The following FILIP1L variants were observed in gnomAD, a reference collection of about 807,000 sequenced individuals.
The protein encoded by FILIP1L is filamin A interacting protein 1 like.
A neutral mutation model predicts 96.6 loss-of-function variants in FILIP1L; 55 were observed. The ratio of observed to expected loss-of-function variants is 0.57; its 90% CI spans 0.46 to 0.71. FILIP1L has a LOEUF of 0.71. FILIP1L is among the 30% of genes least tolerant of loss of function. FILIP1L has a pLI of 0.00. For missense variants in FILIP1L, 1,304 were observed against 1,321.2 expected (o/e 0.99, Z 0.20); for synonymous variants, 467 against 473.9 (o/e 0.99, Z 0.19).
intron 4 of FILIP1L, among the ~76,000 whole-genome samples, chr3:99,904,477 A>G (rs974958425): frequency 1.3e-5 from 2 of 152,214 alleles, no homozygotes; most frequent in Non-Finnish European, 2.9e-5. Context: ...TATATTTACT[A>G]TGCTTCTTTA....
At chr3:99,931,809 T>C (rs1228609174) in intron 1 of FILIP1L, among the ~76,000 whole-genome samples, 4 of 152,254 alleles carry the variant, frequency 2.6e-5, no homozygotes, top group African/African-American at 7.2e-5. Context: ...CATCTGATTA[T>C]ATAATCATCC....
intron 1 of FILIP1L, among the ~76,000 whole-genome samples, chr3:99,932,474 G>A (rs1421720501): frequency 6.6e-6 from 1 of 151,420 alleles, no homozygotes; most frequent in Non-Finnish European, 1.5e-5. Context: ...TCATTTTACT[G>A]TTTTTGAATA....
At chr3:100,021,664 G>A (rs1434985077) in intron 1 of FILIP1L, among the ~76,000 whole-genome samples, 4 of 152,130 alleles carry the variant, frequency 2.6e-5, no homozygotes, top group Non-Finnish European at 5.9e-5. Context: ...TAAATCAAGT[G>A]TCTTGGTTGC....
intron 1 of FILIP1L, among the ~76,000 whole-genome samples, chr3:100,054,212 T>G (rs762488146): frequency 6.6e-6 from 1 of 152,228 alleles, no homozygotes; most frequent in Non-Finnish European, 1.5e-5. Context: ...GGTCACAAAC[T>G]AACCGAGACA....
At chr3:99,899,064 C>G (rs1374452349) in intron 4 of FILIP1L, among the ~76,000 whole-genome samples, 1 of 152,156 alleles carries the variant, frequency 6.6e-6, no homozygotes, top group East Asian at 1.9e-4. Flanking sequence ...ATTAGGACCT[C>G]AAAGACAGCT....
Position 99,884,065 on chromosome 3 carries a change from G to A in FILIP1L, c.606-32995C>T, listed in dbSNP as rs112809816. 2.5e-3 allele frequency among the ~76,000 whole-genome samples: 388 copies of A among 152,308 alleles called. 4 individuals carry two copies. Among genetic ancestry groups the A allele is most frequent in the African/African-American group, 9.0e-3 (376 of 41,568 alleles). ...TGGACTTGAACTATGGGCTAGGAGA[G>A]TGAGAATGGATCTTGGAGATTATCT... On this transcript the variant is annotated intron_variant, in intron 4 of 5. Coordinates refer to ENST00000477258, the MANE Select transcript of FILIP1L (RefSeq NM_001387850.1).
chr3:99,960,336 A>G (rs187068777), intron 1 of FILIP1L, among the ~76,000 whole-genome samples: 15 of 152,154 alleles, frequency 9.9e-5, no homozygotes, highest in Non-Finnish European at 1.5e-4. Context: ...GAGGGCTCCA[A>G]AAAGTTAAGT....
intron 4 of FILIP1L, among the ~76,000 whole-genome samples, chr3:99,861,930 GA>G (rs1281460055): frequency 6.6e-6 from 1 of 152,094 alleles, no homozygotes; most frequent in Non-Finnish European, 1.5e-5. Flanking sequence ...GTAGAATGGG[GA>G]TAATATTAGA....
intron 1 of FILIP1L, among the ~76,000 whole-genome samples, chr3:100,020,190 A>C (rs1374967202): frequency 6.6e-6 from 1 of 152,100 alleles, no homozygotes; most frequent in African/African-American, 2.4e-5. Context: ...TTGTATCTTC[A>C]TTTATTTTAT....
In FILIP1L at chr3:99,849,074, A is replaced by C. The variant is rs1434491375; in HGVS notation, c.2602T>G (p.Ser868Ala). ...CCATTCTGAAGATGGCCCTCCTTGGATTTCATCCAGGGAATCCATAGCTTT... is the reference window on the plus strand; with the variant it reads ...CCATTCTGAAGATGGCCCTCCTTGGCTTTCATCCAGGGAATCCATAGCTTT... ...NRKLWIPWMKSKEGHLQNGKM... is the reference protein window; with the variant it reads ...NRKLWIPWMKAKEGHLQNGKM... The change falls in exon 5 of 6, where the codon TCC becomes GCC. Residue 868 changes from serine to alanine, a missense_variant. By Grantham distance (99) the Ser-to-Ala change is moderately conservative. Coordinates refer to ENST00000477258, the MANE Select transcript of FILIP1L (RefSeq NM_001387850.1). The C allele has an allele frequency of 3.7e-6, 6 of 1,613,974 alleles. No homozygotes were observed. Among genetic ancestry groups the C allele is most frequent in the Non-Finnish European group, 5.1e-6 (6 of 1,180,006 alleles).
chr3:100,034,250 G>A (rs1200972308), intron 1 of FILIP1L, among the ~76,000 whole-genome samples: 1 of 152,142 alleles, frequency 6.6e-6, no homozygotes, highest in African/African-American at 2.4e-5. Flanking sequence ...CAGAATGGGG[G>A]GAAAAAGCTG....
intron 1 of FILIP1L, among the ~76,000 whole-genome samples, chr3:100,047,203 A>G (rs1448974959): frequency 6.6e-6 from 1 of 152,166 alleles, no homozygotes. Context: ...AGGAAGTGAA[A>G]CTAGTAAAAA....
chr3:99,860,373 G>A (rs1390827300), intron 4 of FILIP1L, among the ~76,000 whole-genome samples: 2 of 152,140 alleles, frequency 1.3e-5, no homozygotes, highest in Admixed American at 1.3e-4. Context: ...ATTATAAGGA[G>A]CTTGGTAGCT....
At chr3:100,073,457 C>T (rs548705799) in intron 1 of FILIP1L, among the ~76,000 whole-genome samples, 3 of 152,176 alleles carry the variant, frequency 2.0e-5, no homozygotes, top group East Asian at 3.9e-4. Context: ...GCAGCTTCCT[C>T]GAAAAGACTG....
chr3:99,841,606 C>A lies in FILIP1L; in HGVS notation c.3381+6689G>T, dbSNP rs145867013. Among the ~76,000 whole-genome samples, 695 of 152,184 alleles carry A rather than the reference C, an allele frequency of 4.6e-3. 2 individuals are homozygous for A. The highest frequency in any genetic ancestry group is 6.8e-3 in the South Asian group (33 of 4,826). On this transcript the variant is annotated intron_variant, in intron 5 of 5. Coordinates refer to ENST00000477258, the MANE Select transcript of FILIP1L (RefSeq NM_001387850.1). ...GCTTATATTTGTATATTGTAGTTGT[C>A]CAAATATGGCTAGCCTTTAAAGAGC...
At chr3:100,024,228 G>T (rs930096518) in intron 1 of FILIP1L, among the ~76,000 whole-genome samples, 5 of 152,118 alleles carry the variant, frequency 3.3e-5, no homozygotes, top group African/African-American at 7.2e-5. Flanking sequence ...CTTTCCCATT[G>T]CAGTAGAAGC....
At chr3:99,876,181 G>A (rs1705508900) in intron 4 of FILIP1L, 6 of 985,368 alleles carry the variant, frequency 6.1e-6, no homozygotes, top group Non-Finnish European at 7.2e-6. Context: ...TGCGAGCGGG[G>A]CGCTGAGCGC....
chr3:99,958,323 G>A (rs1708397799), intron 1 of FILIP1L, among the ~76,000 whole-genome samples: 3 of 151,458 alleles, frequency 2.0e-5, no homozygotes, highest in Admixed American at 2.0e-4. Context: ...CAGCCACCCA[G>A]GGTCTATTTT....
intron 1 of FILIP1L, among the ~76,000 whole-genome samples, chr3:100,099,553 C>G (rs1363795240): frequency 6.6e-6 from 1 of 152,138 alleles, no homozygotes. Flanking sequence ...TTAACTAAGT[C>G]ATTTAACTTT....
Sources: gnomAD v4.1 joint callset for allele counts (sites outside exome capture counted in the v4.1 genomes callset) on GRCh38, gnomAD v4.1.1 for gene constraint, MANE v1.5 for transcripts, NCBI Gene and HGNC (gene_info 2026-07-23, HGNC 2026-07-21) for gene names.